The following ANO4 variants were observed in gnomAD, a reference collection of about 807,000 sequenced individuals.
The protein encoded by ANO4 is anoctamin-4.
Under a neutral mutation model 141.9 loss-of-function variants are expected in ANO4, and 69 were observed. The ratio of observed to expected loss-of-function variants is 0.49; its 90% confidence interval spans 0.40 to 0.59. The LOEUF (loss-of-function observed/expected upper bound fraction) is 0.59. Ranked by LOEUF, ANO4 falls within the 20% of genes least tolerant of loss-of-function variation. ANO4 has a pLI of 0.00. For missense variants in ANO4, 894 were observed against 1,162.2 expected (o/e 0.77, Z 3.36); for synonymous variants, 350 against 394.3 (o/e 0.89, Z 1.33).
chr12:100,731,114 T>TA (rs1463421150), intron 1 of ANO4, among the ~76,000 whole-genome samples: 1 of 152,244 alleles, frequency 6.6e-6, no homozygotes, highest in Admixed American at 6.5e-5. Flanking sequence ...TCTGAATTGA[T>TA]ACGTTTCTAG....
At chr12:101,057,518 A>G (rs186768485) in intron 14 of ANO4, among the ~76,000 whole-genome samples, 22 of 152,324 alleles carry the variant, frequency 1.4e-4, no homozygotes, top group African/African-American at 5.1e-4. Context: ...CATCCTCTCC[A>G]GCATCTGTTG....
chr12:100,830,496 T>G (rs974965618), intron 1 of ANO4, among the ~76,000 whole-genome samples: 3 of 152,046 alleles, frequency 2.0e-5, no homozygotes, highest in African/African-American at 7.2e-5. Context: ...ACAGATTATT[T>G]TACCTTATCC....
At chr12:100,910,857 A>G (rs1033560844) in intron 2 of ANO4, among the ~76,000 whole-genome samples, 3 of 152,122 alleles carry the variant, frequency 2.0e-5, no homozygotes, top group Non-Finnish European at 4.4e-5. Context: ...GATATGTGTT[A>G]TTCCCAAGTA....
chr12:100,736,552 C>A (rs2135458092), intron 2 of ANO4, among the ~76,000 whole-genome samples: 1 of 152,282 alleles, frequency 6.6e-6, no homozygotes, highest in East Asian at 1.9e-4. Context: ...CTGGTCCAGT[C>A]AGCTTTAGCT....
Position 101,066,575 on chromosome 12 carries a change from C to T in ANO4, c.1313-12618C>T, listed in dbSNP as rs75281425. ...AAGCAAAAGATCTCCACAATGAAAACTATAGAACACTGACGAAAGAAATGG... is the reference window on the plus strand; with the variant it reads ...AAGCAAAAGATCTCCACAATGAAAATTATAGAACACTGACGAAAGAAATGG... On this transcript the variant is annotated intron_variant, in intron 14 of 27. Coordinates refer to ENST00000392977, the MANE Select transcript of ANO4 (RefSeq NM_001286615.2). Among the ~76,000 whole-genome samples, 47 of 152,324 alleles carry T rather than the reference C, an allele frequency of 3.1e-4. No individual in the cohort carries two copies. In the East Asian group the frequency reaches 8.7e-3, roughly 28 times the overall value.
chr12:101,059,027 A>T (rs1203948962), intron 14 of ANO4, among the ~76,000 whole-genome samples: 1 of 152,114 alleles, frequency 6.6e-6, no homozygotes, highest in Non-Finnish European at 1.5e-5. Context: ...TTATATTGAG[A>T]TACATTCCAT....
rs978443997 is a variant in ANO4, at chr12:100,784,066, T to G, written c.358+43961T>G. 4.6e-5 allele frequency among the ~76,000 whole-genome samples: 7 copies of G among 152,150 alleles called. No homozygotes were observed. In the East Asian group the frequency reaches 1.4e-3, roughly 30 times the overall value. On this transcript the variant is annotated intron_variant, in intron 3 of 29. Coordinates refer to the ANO4 transcript ENST00000644049. ...ATCTAATGTTCAAAGCCGTGTGTGG[T>G]TTTTCACTGTTGTATTTTGCTTAAC...
chr12:101,075,607 CTT>C (rs966508691), intron 14 of ANO4, among the ~76,000 whole-genome samples: 2 of 149,244 alleles, frequency 1.3e-5, no homozygotes, highest in African/African-American at 4.9e-5. Context: ...TTTAATCAAA[CTT>C]ATCATAGTGC....
At chr12:100,739,883 G>A in exon 3 of ANO4, 3 of 702,472 alleles carry the variant, frequency 4.3e-6, no homozygotes, top group Non-Finnish European at 7.8e-6. Flanking sequence ...TGTGGCAATT[G>A]GGCTTACCCA....
intron 1 of ANO4, among the ~76,000 whole-genome samples, chr12:100,796,103 T>C (rs2034301371): frequency 6.7e-6 from 1 of 150,152 alleles, no homozygotes; most frequent in Non-Finnish European, 1.5e-5. Flanking sequence ...TTCCAAAGAA[T>C]AGCTTCGCAG....
intron 14 of ANO4, among the ~76,000 whole-genome samples, chr12:101,063,922 G>A (rs1477340718): frequency 6.6e-6 from 1 of 150,998 alleles, no homozygotes; most frequent in Non-Finnish European, 1.5e-5. Flanking sequence ...CTCTTTTCCT[G>A]TTCATTCTGT....
At chr12:101,090,961 G>C (rs1053607119) in intron 17 of ANO4, among the ~76,000 whole-genome samples, 2 of 152,154 alleles carry the variant, frequency 1.3e-5, no homozygotes, top group Non-Finnish European at 2.9e-5. Context: ...GCAAAAGTAC[G>C]TAGTTGCTGA....
intron 6 of ANO4, among the ~76,000 whole-genome samples, chr12:100,974,155 A>G (rs2044052902): frequency 6.6e-6 from 1 of 152,176 alleles, no homozygotes; most frequent in Admixed American, 6.5e-5. Flanking sequence ...CATTTTTAAC[A>G]TTTTTAAAAG....
intron 17 of ANO4, among the ~76,000 whole-genome samples, chr12:101,091,950 C>G (rs1197314079): frequency 6.6e-6 from 1 of 151,966 alleles, no homozygotes; most frequent in Non-Finnish European, 1.5e-5. Context: ...CTTAGTAGTT[C>G]ACATTTTATT....
At chr12:101,040,993 G>GT (rs754053527) in intron 11 of ANO4, among the ~76,000 whole-genome samples, 159 of 151,500 alleles carry the variant, frequency 1.0e-3, no homozygotes, top group African/African-American at 3.4e-3. Flanking sequence ...ATATGTGTGT[G>GT]TTTTTTTTTA....
At chr12:100,992,601 C>A (rs1195263641) in intron 8 of ANO4, among the ~76,000 whole-genome samples, 1 of 152,106 alleles carries the variant, frequency 6.6e-6, no homozygotes, top group East Asian at 1.9e-4. Flanking sequence ...GTTAATGTTT[C>A]CTAGATAACA....
At chr12:100,854,849 A>G (rs1441335065) in intron 1 of ANO4, among the ~76,000 whole-genome samples, 1 of 151,996 alleles carries the variant, frequency 6.6e-6, no homozygotes, top group Admixed American at 6.6e-5. Flanking sequence ...CTTCTGCAGA[A>G]GTTTTGATAG....
chr12:100,937,173 T>A (rs904508145), intron 3 of ANO4, among the ~76,000 whole-genome samples: 3 of 152,138 alleles, frequency 2.0e-5, no homozygotes, highest in Non-Finnish European at 2.9e-5. Context: ...ATTGTGACCA[T>A]CTTCAGGTCA....
chr12:101,082,488 T>A (rs563488854), intron 15 of ANO4, among the ~76,000 whole-genome samples: 11 of 152,332 alleles, frequency 7.2e-5, no homozygotes, highest in African/African-American at 2.6e-4. Flanking sequence ...TGATGACACT[T>A]ATGGCCCAAT....
Sources: allele counts gnomAD v4.1 joint callset (sites outside exome capture counted in the v4.1 genomes callset), GRCh38; gene constraint gnomAD v4.1.1; transcripts MANE v1.5; gene names NCBI Gene and HGNC (gene_info 2026-07-23, HGNC 2026-07-21).